The following IL1RAPL2 variants were observed in gnomAD, a reference collection of about 807,000 sequenced individuals.
IL1RAPL2 encodes X-linked interleukin-1 receptor accessory protein-like 2.
Under a neutral mutation model 44.1 loss-of-function variants are expected in IL1RAPL2, and 3 were observed. That is an observed-to-expected ratio of 0.07 (90% CI 0.03 to 0.18). The LOEUF is 0.18. Ranked by LOEUF, IL1RAPL2 falls within the 10% of genes least tolerant of loss-of-function variation. IL1RAPL2 has a pLI of 1.00. For missense variants in IL1RAPL2, 391 were observed against 496.4 expected, an observed-to-expected ratio of 0.79 and a Z score of 2.02; for synonymous variants, 181 against 178.8, an observed-to-expected ratio of 1.01 and a Z score of -0.10.
chrX:105,559,074 C>T lies in IL1RAPL2; in HGVS notation c.772+74687C>T, dbSNP rs747489652. On this transcript the variant is annotated intron_variant, in intron 6 of 10. Transcript: ENST00000372582. ...AGTCTTCTAATTTTTATTCGTAAACCAACTTATTTTTATCATGTTACTGAG... is the reference window on the plus strand; with the variant it reads ...AGTCTTCTAATTTTTATTCGTAAACTAACTTATTTTTATCATGTTACTGAG... 1.7e-3 allele frequency among the ~76,000 whole-genome samples: 185 copies of T among 111,546 alleles called. 1 individual carries two copies. Among genetic ancestry groups the T allele is most frequent in the Non-Finnish European group, 3.0e-3 (158 of 53,048 alleles).
chrX:104,632,750 G>A (rs11092491), intron 1 of IL1RAPL2, among the ~76,000 whole-genome samples: 36,663 of 105,491 alleles, frequency 0.35, 5,899 homozygotes, highest in East Asian at 0.6. Flanking sequence ...GGGCTGAGAC[G>A]ATGGGGTTTT....
chrX:105,166,455 G>A (rs910718282), intron 2 of IL1RAPL2, among the ~76,000 whole-genome samples: 17 of 112,216 alleles, frequency 1.5e-4, no homozygotes, highest in African/African-American at 5.5e-4. Context: ...AGAGACTAGT[G>A]ACTTTAGCTG....
At chrX:104,900,008 T>C (rs12396779) in intron 2 of IL1RAPL2, among the ~76,000 whole-genome samples, 2,578 of 111,973 alleles carry the variant, frequency 0.023, 69 homozygotes, top group African/African-American at 0.08. Flanking sequence ...CAGATTTTAC[T>C]AACAGCCATA....
intron 2 of IL1RAPL2, among the ~76,000 whole-genome samples, chrX:104,674,125 C>A (rs1353759727): frequency 8.9e-6 from 1 of 111,747 alleles, no homozygotes; most frequent in African/African-American, 3.3e-5. Context: ...GCCAGAACTT[C>A]CAACACTATG....
In IL1RAPL2 at chrX:105,699,838, A is replaced by G. The variant is rs144534849; in HGVS notation, c.773-17529A>G. 3.4e-3 allele frequency among the ~76,000 whole-genome samples: 383 copies of G among 111,772 alleles called. 1 individual carries two copies. Among genetic ancestry groups the G allele is most frequent in the Non-Finnish European group, 6.2e-3 (328 of 53,061 alleles). ...TGTCCTTTTCTCTAGGTCACTGCTT[A>G]GATTTTTTTGAGTTTCCAAGTTGCA... is the stretch of plus-strand genomic sequence containing the variant. On this transcript the variant is annotated intron_variant, in intron 6 of 10. Transcript: ENST00000372582.
chrX:105,455,024 C>A (rs2147763640), intron 5 of IL1RAPL2, among the ~76,000 whole-genome samples: 1 of 111,623 alleles, frequency 9.0e-6, no homozygotes, highest in South Asian at 3.8e-4. Context: ...AGCCAAAGCA[C>A]CCTGCCCTAC....
At chrX:105,057,850 C>T (rs2032015430) in intron 2 of IL1RAPL2, among the ~76,000 whole-genome samples, 1 of 109,791 alleles carries the variant, frequency 9.1e-6, no homozygotes, top group Non-Finnish European at 1.9e-5. Flanking sequence ...GGCATGATCT[C>T]AGTTCACTGC....
chrX:105,013,409 A>G (rs750513399), intron 2 of IL1RAPL2, among the ~76,000 whole-genome samples: 1 of 110,749 alleles, frequency 9.0e-6, no homozygotes, highest in African/African-American at 3.3e-5. Flanking sequence ...CACAAGTACT[A>G]GAGAGGGATG....
intron 6 of IL1RAPL2, among the ~76,000 whole-genome samples, chrX:105,690,750 C>T (rs1006782132): frequency 7.2e-5 from 8 of 111,717 alleles, no homozygotes; most frequent in African/African-American, 1.6e-4. Context: ...TCTCTATAAG[C>T]GAATCCTCTA....
intron 2 of IL1RAPL2, among the ~76,000 whole-genome samples, chrX:104,914,860 C>G (rs1388433241): frequency 3.6e-5 from 4 of 111,125 alleles, no homozygotes; most frequent in Non-Finnish European, 7.5e-5. Flanking sequence ...ATGATGATTT[C>G]CAATTTCATC....
intron 5 of IL1RAPL2, among the ~76,000 whole-genome samples, chrX:105,446,368 A>G (rs2035954420): frequency 9.0e-6 from 1 of 110,791 alleles, no homozygotes. Flanking sequence ...TTTTGATTGG[A>G]GAGTTTAATC....
chrX:105,330,484 A>G (rs1049589815), intron 5 of IL1RAPL2, among the ~76,000 whole-genome samples: 1 of 111,392 alleles, frequency 9.0e-6, no homozygotes, highest in African/African-American at 3.3e-5. Context: ...TCCTGGTTCT[A>G]CATCAGTACA....
At chrX:105,747,533 TATAC>T (rs201370855) in intron 8 of IL1RAPL2, among the ~76,000 whole-genome samples, 19,837 of 90,385 alleles carry the variant, frequency 0.22, 2,302 homozygotes, top group East Asian at 0.53. Context: ...TATATATATA[TATAC>T]ACACACACAC....
At chrX:104,838,847 C>CTTT (rs3086025) in intron 2 of IL1RAPL2, among the ~76,000 whole-genome samples, 8 of 36,285 alleles carry the variant, frequency 2.2e-4, no homozygotes, top group Admixed American at 3.4e-4. Context: ...TTCTTTCTTT[C>CTTT]TTTTTTTTTT....
chrX:105,219,523 T>G (rs950712366), intron 3 of IL1RAPL2: 3 of 1,208,604 alleles, frequency 2.5e-6, no homozygotes, highest in Non-Finnish European at 3.4e-6. Context: ...GTGGGGGAAC[T>G]GGGTCTCCAT....
intron 4 of IL1RAPL2, among the ~76,000 whole-genome samples, chrX:105,238,826 T>A (rs1355017424): frequency 9.0e-6 from 1 of 111,358 alleles, no homozygotes; most frequent in Non-Finnish European, 1.9e-5. Context: ...CAGCAATTCA[T>A]TCATAGGTTA....
At position 105,767,152 on chromosome X, in the gene IL1RAPL2, T is replaced by A. The variant is rs2038738285; in HGVS notation, c.1552T>A (p.Cys518Ser). 6 of 1,210,427 alleles carry A rather than the reference T, an allele frequency of 5.0e-6. No homozygotes were observed. The highest frequency in any genetic ancestry group is 6.7e-6 in the Non-Finnish European group (6 of 894,312). Residue 518 changes from cysteine to serine, a missense_variant, in exon 11 of 11, where the codon TGC becomes AGC. Cys to Ser is a moderately radical substitution (Grantham distance 112, BLOSUM62 -1). Around this residue, in one of 2 missense-constraint regions of IL1RAPL2, gnomAD observed 232 missense variants for 244.8 expected, o/e 0.95. Coordinates refer to ENST00000372582, the MANE Select transcript of IL1RAPL2 (RefSeq NM_017416.2). ...TACAGAATTAAAAGGGAAAGTGAATTGCCAGGAAGTGGAATCACTAAAGCG... is the reference window on the plus strand; with the variant it reads ...TACAGAATTAAAAGGGAAAGTGAATAGCCAGGAAGTGGAATCACTAAAGCG... ...ECTELKGKVN[C>S]QEVESLKRSI...
chrX:105,554,937 G>C (rs1325034300), intron 6 of IL1RAPL2, among the ~76,000 whole-genome samples: 1 of 110,255 alleles, frequency 9.1e-6, no homozygotes, highest in Non-Finnish European at 1.9e-5. Flanking sequence ...TTATTACTAA[G>C]CATAGACCCT....
intron 5 of IL1RAPL2, among the ~76,000 whole-genome samples, chrX:105,479,783 T>TAAA (rs1187432675): frequency 1.8e-4 from 20 of 108,796 alleles, no homozygotes; most frequent in African/African-American, 6.4e-4. Flanking sequence ...TAAAATAAAA[T>TAAA]ATAAAATAAA....
Sources: allele counts gnomAD v4.1 joint callset (sites outside exome capture counted in the v4.1 genomes callset), GRCh38; gene constraint gnomAD v4.1.1; regional missense constraint gnomAD v4.1.1; transcripts MANE v1.5; gene names NCBI Gene and HGNC (gene_info 2026-07-23, HGNC 2026-07-21).